The following BRD10 variants were observed in gnomAD, a reference collection of about 807,000 sequenced individuals.
BRD10 encodes the protein bromodomain containing 10, also known as uncharacterized bromodomain-containing protein 10.
the BRD10 span, among the ~76,000 whole-genome samples, chr9:5,997,306 A>C: frequency 2.0e-5 from 3 of 152,222 alleles, no homozygotes; most frequent in African/African-American, 7.2e-5. Flanking sequence ...ATTCCCCACA[A>C]ACTAGTGATT....
At chr9:6,008,167 G>T in the BRD10 span, 19 of 974,408 alleles carry the variant, frequency 1.9e-5, no homozygotes, top group Non-Finnish European at 2.2e-5. Context: ...CGGGCCAGCG[G>T]GGGGCTGGGA....
the BRD10 span, among the ~76,000 whole-genome samples, chr9:5,912,814 T>C: frequency 1.3e-5 from 2 of 152,230 alleles, no homozygotes; most frequent in Non-Finnish European, 2.9e-5. Flanking sequence ...TTTGATCCCC[T>C]AAGCTTCCTG....
the BRD10 span, among the ~76,000 whole-genome samples, chr9:5,951,713 T>A: frequency 6.6e-6 from 1 of 152,192 alleles, no homozygotes; most frequent in African/African-American, 2.4e-5. Flanking sequence ...ACACACTACA[T>A]AAAATTATTT....
chr9:5,885,779 G>A, the BRD10 span, among the ~76,000 whole-genome samples: 3 of 152,300 alleles, frequency 2.0e-5, no homozygotes, highest in Non-Finnish European at 2.9e-5. Flanking sequence ...CTTGCTCAAG[G>A]TCTCACAGAT....
chr9:6,008,010 G>T, the BRD10 span: 10 of 1,253,068 alleles, frequency 8.0e-6, no homozygotes, highest in Non-Finnish European at 1.0e-5. Flanking sequence ...GAGAGAAGAG[G>T]AGAGCCTAGG....
chr9:5,966,581 T>C, the BRD10 span, among the ~76,000 whole-genome samples: 2 of 147,686 alleles, frequency 1.4e-5, no homozygotes, highest in South Asian at 2.2e-4. Flanking sequence ...TGCCTTAGCC[T>C]CCCGAGTAGC....
At chr9:5,991,706 C>A in the BRD10 span, among the ~76,000 whole-genome samples, 1 of 129,414 alleles carries the variant, frequency 7.7e-6, no homozygotes, top group African/African-American at 3.0e-5. Flanking sequence ...GCCTGGGCGA[C>A]AGAGAAAGAC....
At chr9:5,950,069 C>T in the BRD10 span, among the ~76,000 whole-genome samples, 9 of 152,234 alleles carry the variant, frequency 5.9e-5, no homozygotes, top group East Asian at 1.9e-4. Flanking sequence ...AACAATACAA[C>T]AGGGATAAAC....
At chr9:5,917,286 A>G in the BRD10 span, among the ~76,000 whole-genome samples, 7 of 152,256 alleles carry the variant, frequency 4.6e-5, no homozygotes, top group African/African-American at 1.4e-4. Context: ...ATAACACGTA[A>G]TAAGAACCTG....
the BRD10 span, chr9:6,007,634 C>A: frequency 6.2e-7 from 1 of 1,602,520 alleles, no homozygotes; most frequent in Non-Finnish European, 8.5e-7. Flanking sequence ...TCGTCCGCGT[C>A]CTCCAGCGAG....
chr9:5,999,119 G>T, the BRD10 span, among the ~76,000 whole-genome samples: 2 of 151,424 alleles, frequency 1.3e-5, no homozygotes, highest in African/African-American at 4.8e-5. Context: ...TCTTTTTTTG[G>T]TTATTGGCAA....
the BRD10 span, among the ~76,000 whole-genome samples, chr9:5,949,180 C>T: frequency 6.6e-6 from 1 of 152,100 alleles, no homozygotes; most frequent in South Asian, 2.1e-4. Flanking sequence ...ATAATCAAAA[C>T]ATCTTAATAC....
the BRD10 span, chr9:5,933,995 G>C: frequency 3.0e-6 from 1 of 337,028 alleles, no homozygotes; most frequent in East Asian, 7.4e-5. Flanking sequence ...TTAGGTGAAA[G>C]TCACTTGTTT....
At chr9:5,945,770 A>C in the BRD10 span, among the ~76,000 whole-genome samples, 1 of 152,040 alleles carries the variant, frequency 6.6e-6, no homozygotes, top group Non-Finnish European at 1.5e-5. Flanking sequence ...TTTTTTCCTA[A>C]AATAATTTAA....
At chr9:5,887,400 G>C in the BRD10 span, among the ~76,000 whole-genome samples, 1 of 152,266 alleles carries the variant, frequency 6.6e-6, no homozygotes, top group African/African-American at 2.4e-5. Context: ...CTCCACCCTG[G>C]AAGAATGCCA....
chr9:5,899,532 A>C, the BRD10 span, among the ~76,000 whole-genome samples: 2 of 152,158 alleles, frequency 1.3e-5, no homozygotes, highest in African/African-American at 4.8e-5. Context: ...GATGAATCTG[A>C]ACAAGACTCC....
the BRD10 span, among the ~76,000 whole-genome samples, chr9:5,985,474 G>A: frequency 1.3e-5 from 2 of 152,154 alleles, no homozygotes; most frequent in African/African-American, 4.8e-5. Context: ...CTGACAAAGG[G>A]CTTATATCCA....
the BRD10 span, chr9:5,919,826 G>C: frequency 6.2e-7 from 1 of 1,613,788 alleles, no homozygotes; most frequent in South Asian, 1.1e-5. Flanking sequence ...AGTATTTATG[G>C]TATTCAAAAT....
chr9:5,926,236 G>C, the BRD10 span, among the ~76,000 whole-genome samples: 2 of 152,050 alleles, frequency 1.3e-5, no homozygotes, highest in African/African-American at 4.8e-5. Context: ...ATTTATTTTT[G>C]CTATACATTC....
Sources: allele counts gnomAD v4.1 joint callset (sites outside exome capture counted in the v4.1 genomes callset), GRCh38; gene constraint gnomAD v4.1.1; transcripts MANE v1.5; gene names NCBI Gene and HGNC (gene_info 2026-07-23, HGNC 2026-07-21).